Variants in MSRA observed in about 807,000 individuals in gnomAD.
The protein encoded by MSRA is mitochondrial peptide methionine sulfoxide reductase.
MSRA carries 54 observed loss-of-function variants against 31.3 expected under a neutral mutation model. The ratio of observed to expected loss-of-function variants is 1.73; its 90% CI spans 1.39 to 2.17. The LOEUF (loss-of-function observed/expected upper bound fraction) is 2.17. Ranked by LOEUF, MSRA falls within the 30% of genes most tolerant of loss-of-function variation. The pLI, the probability that MSRA is intolerant of heterozygous loss-of-function variation, is 0.00. For missense variants in MSRA, 507 were observed against 300.9 expected, an observed-to-expected ratio of 1.69 and a Z score of -5.07; for synonymous variants, 169 against 116.5, an observed-to-expected ratio of 1.45 and a Z score of -2.90.
intron 1 of MSRA, among the ~76,000 whole-genome samples, chr8:10,115,606 G>A (rs907463948): frequency 6.6e-6 from 1 of 152,234 alleles, no homozygotes; most frequent in African/African-American, 2.4e-5. Flanking sequence ...ATTTGATGGA[G>A]AGAGTGGTCA....
chr8:10,069,288 G>A (rs930423919), intron 1 of MSRA, among the ~76,000 whole-genome samples: 6 of 152,138 alleles, frequency 3.9e-5, no homozygotes, highest in Non-Finnish European at 8.8e-5. Context: ...AGGACTTCTA[G>A]TATGATGCTG....
chr8:10,218,770 C>T (rs980498399), intron 2 of MSRA, among the ~76,000 whole-genome samples: 3 of 152,200 alleles, frequency 2.0e-5, no homozygotes, highest in Non-Finnish European at 4.4e-5. Flanking sequence ...GGGATAGAAA[C>T]TGCCTTAATT....
rs1193797031 is a variant in MSRA at position 10,360,143 on chromosome 8, G to C, written c.543+40154G>C. ...TTGCGTGTGCTGCTGCTGCTGGAGT[G>C]AGCCAAGCTGCTTGAGTGAGCCAAG... is the stretch of plus-strand genomic sequence containing the variant. On this transcript the variant is annotated intron_variant, in intron 5 of 5. Transcript: ENST00000317173. 2.0e-5 allele frequency among the ~76,000 whole-genome samples: 3 copies of C among 152,086 alleles called. No individual in the cohort carries two copies. In the East Asian group the frequency reaches 5.8e-4, roughly 29 times the overall value.
At chr8:10,147,996 G>A (rs1197627880) in intron 1 of MSRA, among the ~76,000 whole-genome samples, 2 of 152,198 alleles carry the variant, frequency 1.3e-5, no homozygotes, top group African/African-American at 2.4e-5. Context: ...GTTGCTGCCC[G>A]TACCTGTGCA....
chr8:10,117,403 C>T (rs1323248490), intron 1 of MSRA, among the ~76,000 whole-genome samples: 1 of 152,212 alleles, frequency 6.6e-6, no homozygotes, highest in Non-Finnish European at 1.5e-5. Flanking sequence ...TGCCCTGATC[C>T]AGCTCTCTGG....
intron 1 of MSRA, among the ~76,000 whole-genome samples, chr8:10,181,298 A>T (rs1806514749): frequency 6.6e-6 from 1 of 152,192 alleles, no homozygotes; most frequent in Non-Finnish European, 1.5e-5. Context: ...AGAAAGTGAA[A>T]TATCTGCAGG....
intron 2 of MSRA, among the ~76,000 whole-genome samples, chr8:10,218,163 T>C (rs1810168218): frequency 6.8e-6 from 1 of 147,856 alleles, no homozygotes; most frequent in Non-Finnish European, 1.5e-5. Flanking sequence ...TTTATTTATT[T>C]TGAGAAAGAG....
intron 1 of MSRA, among the ~76,000 whole-genome samples, chr8:10,092,636 C>T (rs1329434309): frequency 8.3e-6 from 1 of 119,936 alleles, no homozygotes; most frequent in Non-Finnish European, 1.9e-5. Context: ...GAGTGAGATT[C>T]TGTCTCAAAA....
chr8:10,240,764 G>T (rs552826880), intron 2 of MSRA, among the ~76,000 whole-genome samples: 1 of 152,056 alleles, frequency 6.6e-6, no homozygotes, highest in Non-Finnish European at 1.5e-5. Context: ...CTAGAGTAAG[G>T]CTGCAGTGGA....
chr8:10,327,964 T>C (rs1802464963), intron 5 of MSRA, among the ~76,000 whole-genome samples: 1 of 150,302 alleles, frequency 6.7e-6, no homozygotes, highest in South Asian at 2.1e-4. Context: ...CCTACTCACC[T>C]GCGCTACCAA....
intron 1 of MSRA, among the ~76,000 whole-genome samples, chr8:10,090,433 T>C (rs1798798579): frequency 6.6e-6 from 1 of 152,218 alleles, no homozygotes; most frequent in Non-Finnish European, 1.5e-5. Flanking sequence ...TAATGTATAG[T>C]ATTGCCTCTG....
At chr8:10,294,340 G>A (rs1800413305) in intron 3 of MSRA, among the ~76,000 whole-genome samples, 1 of 152,226 alleles carries the variant, frequency 6.6e-6, no homozygotes, top group Admixed American at 6.5e-5. Context: ...GAAGAAAGGT[G>A]ATACCGGCTG....
chr8:10,086,469 A>G (rs1798562777), intron 1 of MSRA, among the ~76,000 whole-genome samples: 1 of 152,232 alleles, frequency 6.6e-6, no homozygotes, highest in African/African-American at 2.4e-5. Flanking sequence ...AATTCATTAA[A>G]TAATGAAACC....
At chr8:10,167,029 A>G (rs967511638) in intron 1 of MSRA, among the ~76,000 whole-genome samples, 17 of 152,194 alleles carry the variant, frequency 1.1e-4, no homozygotes, top group African/African-American at 4.1e-4. Context: ...GAGCTGGAGC[A>G]AAGTGCAGAG....
rs776427323 is a variant in MSRA at position 10,245,202 on chromosome 8, A to C, written c.310A>C (p.Thr104Pro). The change falls in exon 3 of 6, where the codon ACT (threonine) becomes CCT (proline). Residue 104 changes from threonine (T) to proline (P), a missense_variant. Transcript: ENST00000317173. ...TGCAGGAGGCTATACTTCAAATCCT[A>C]CTTATAAAGAAGTCTGCTCAGGTAG... ...GFAGGYTSNP[T>P]YKEVCSEKTG... The C allele has an allele frequency of 6.2e-7, 1 of 1,613,306 alleles. No individual in the cohort carries two copies. Among genetic ancestry groups the C allele is most frequent in the Non-Finnish European group, 8.5e-7 (1 of 1,179,574 alleles).
chr8:10,068,946 A>G (rs1797597771), intron 1 of MSRA, among the ~76,000 whole-genome samples: 1 of 152,192 alleles, frequency 6.6e-6, no homozygotes, highest in Admixed American at 6.5e-5. Flanking sequence ...TTATTTAGAT[A>G]TATTTCTTTC....
At chr8:10,401,046 A>C (rs1431497768) in intron 5 of MSRA, among the ~76,000 whole-genome samples, 1 of 152,212 alleles carries the variant, frequency 6.6e-6, no homozygotes, top group Non-Finnish European at 1.5e-5. Flanking sequence ...AGAAAAAAAG[A>C]AATTGGATTT....
intron 1 of MSRA, among the ~76,000 whole-genome samples, chr8:10,107,678 C>G (rs1393015430): frequency 1.3e-5 from 2 of 152,158 alleles, no homozygotes; most frequent in Non-Finnish European, 2.9e-5. Context: ...ATGAGTTTTA[C>G]TTCCAAGAGA....
intron 3 of MSRA, among the ~76,000 whole-genome samples, chr8:10,248,165 A>G (rs540199476): frequency 4.9e-4 from 75 of 152,344 alleles, no homozygotes; most frequent in Non-Finnish European, 9.0e-4. Context: ...GAGAAATACT[A>G]GTCTGTACTC....
Sources: gnomAD v4.1 joint callset for allele counts (sites outside exome capture counted in the v4.1 genomes callset) on GRCh38, gnomAD v4.1.1 for gene constraint, MANE v1.5 for transcripts, NCBI Gene and HGNC (gene_info 2026-07-23, HGNC 2026-07-21) for gene names.